Variants in HTR7 observed in about 807,000 individuals in gnomAD.
HTR7 encodes 5-hydroxytryptamine receptor 7, also known as 5-HT-7.
In HTR7, 16 loss-of-function variants were observed where a neutral mutation model predicts 34.0. That is an observed-to-expected ratio of 0.47 (90% CI 0.32 to 0.71). The LOEUF (loss-of-function observed/expected upper bound fraction) is 0.71. HTR7 is among the 30% of genes least tolerant of loss of function. The pLI is 0.04. For missense variants in HTR7, 504 were observed against 625.5 expected, an observed-to-expected ratio of 0.81 and a Z score of 2.07; for synonymous variants, 265 against 260.2, an observed-to-expected ratio of 1.02 and a Z score of -0.18.
At chr10:90,797,683 C>A (rs1845561629) in intron 1 of HTR7, among the ~76,000 whole-genome samples, 1 of 152,164 alleles carries the variant, frequency 6.6e-6, no homozygotes, top group East Asian at 1.9e-4. Flanking sequence ...TGTTCAATGG[C>A]TCTGAGTCTC....
chr10:90,826,001 A>G (rs1846067787), intron 1 of HTR7, among the ~76,000 whole-genome samples: 1 of 152,146 alleles, frequency 6.6e-6, no homozygotes, highest in Admixed American at 6.5e-5. Flanking sequence ...ATCCAAGTAA[A>G]AGAAGATTAA....
chr10:90,817,270 A>G (rs1422668239), intron 1 of HTR7, among the ~76,000 whole-genome samples: 2 of 152,228 alleles, frequency 1.3e-5, no homozygotes, highest in Non-Finnish European at 2.9e-5. Flanking sequence ...AGTTGGACAC[A>G]CTTCCTGATA....
At chr10:90,803,111 G>C (rs1845655077) in intron 1 of HTR7, among the ~76,000 whole-genome samples, 1 of 149,478 alleles carries the variant, frequency 6.7e-6, no homozygotes, top group Admixed American at 6.8e-5. Context: ...GAATTTGTCT[G>C]AGGGGTATAA....
Position 90,762,226 on chromosome 10 carries a change from G to T in HTR7, c.540-12632C>A, listed in dbSNP as rs190718072. 1.8e-3 allele frequency among the ~76,000 whole-genome samples: 278 copies of T among 152,262 alleles called. 1 individual carries two copies. Among genetic ancestry groups the T allele is most frequent in the African/African-American group, 4.8e-3 (200 of 41,554 alleles). On this transcript the variant is annotated intron_variant, in intron 1 of 3. Transcript: ENST00000336152. ...AACCTCCATACTGTTTTCCATAAAG[G>T]CTGTACTAACTTACATTCTCACCAA...
chr10:90,756,840 TAAAAAAAAA>T (rs1564671225), intron 1 of HTR7, among the ~76,000 whole-genome samples: 1 of 149,120 alleles, frequency 6.7e-6, no homozygotes, highest in Non-Finnish European at 1.5e-5. Flanking sequence ...AACCCTGTCA[TAAAAAAAAA>T]GAAAAGAAAA....
At chr10:90,776,682 T>C (rs766156045) in intron 1 of HTR7, among the ~76,000 whole-genome samples, 1 of 152,240 alleles carries the variant, frequency 6.6e-6, no homozygotes, top group Non-Finnish European at 1.5e-5. Flanking sequence ...TTAAGAGTAA[T>C]ACTTAGGGAG....
chr10:90,807,320 G>A (rs1022583930), intron 1 of HTR7, among the ~76,000 whole-genome samples: 1 of 152,142 alleles, frequency 6.6e-6, no homozygotes, highest in Non-Finnish European at 1.5e-5. Context: ...CCAAGCCATC[G>A]CATCCCCTGT....
chr10:90,742,532 A>C lies in HTR7; in HGVS notation c.1394-4T>G. 6.3e-7 allele frequency: 1 copy of C among 1,575,230 alleles called. No individual in the cohort carries two copies. Among genetic ancestry groups the C allele is most frequent in the South Asian group, 1.1e-5 (1 of 89,542 alleles). On this transcript the variant is annotated splice_polypyrimidine_tract_variant and splice_region_variant and intron_variant, in intron 3 of 3. Coordinates refer to ENST00000336152, the MANE Select transcript of HTR7 (RefSeq NM_019859.4). ...TCTACAGTAGTCAGCATTTTGTCTA[A>C]AAAAAAGAGAGAGAAAAATAGAAAA...
intron 2 of HTR7, among the ~76,000 whole-genome samples, chr10:90,746,081 T>C (rs571937662): frequency 1.3e-5 from 2 of 152,358 alleles, no homozygotes; most frequent in Admixed American, 1.3e-4. Flanking sequence ...AATCCAGCTC[T>C]ATCACTCTCT....
intron 1 of HTR7, among the ~76,000 whole-genome samples, chr10:90,803,661 T>C (rs1180286396): frequency 6.6e-6 from 1 of 152,210 alleles, no homozygotes; most frequent in Non-Finnish European, 1.5e-5. Context: ...CATCATCTGA[T>C]GGTTGCCTGA....
At chr10:90,786,557 A>T (rs1845383687) in intron 1 of HTR7, among the ~76,000 whole-genome samples, 1 of 152,248 alleles carries the variant, frequency 6.6e-6, no homozygotes, top group South Asian at 2.1e-4. Context: ...ACAGAGTTTA[A>T]CTTCTCTTAT....
chr10:90,813,847 G>A (rs1228987425), intron 1 of HTR7, among the ~76,000 whole-genome samples: 1 of 152,164 alleles, frequency 6.6e-6, no homozygotes, highest in Non-Finnish European at 1.5e-5. Flanking sequence ...TAAGATTAGG[G>A]TGGGACGACC....
intron 1 of HTR7, among the ~76,000 whole-genome samples, chr10:90,854,108 G>A (rs1045739931): frequency 6.6e-6 from 1 of 152,262 alleles, no homozygotes; most frequent in Non-Finnish European, 1.5e-5. Flanking sequence ...GCTCACGCCT[G>A]TAATCCCAGC....
chr10:90,792,782 C>A (rs759578343), intron 1 of HTR7, among the ~76,000 whole-genome samples: 9 of 151,946 alleles, frequency 5.9e-5, no homozygotes, highest in Non-Finnish European at 1.3e-4. Context: ...TTTATCAGAA[C>A]TTATCAGAAT....
intron 1 of HTR7, among the ~76,000 whole-genome samples, chr10:90,844,501 G>A (rs1012468840): frequency 2.2e-4 from 34 of 151,774 alleles, no homozygotes; most frequent in Non-Finnish European, 4.1e-4. Flanking sequence ...AGAGGCAGGC[G>A]GATCATGAGG....
At chr10:90,746,500 C>T (rs968481882) in intron 2 of HTR7, among the ~76,000 whole-genome samples, 17 of 152,152 alleles carry the variant, frequency 1.1e-4, no homozygotes, top group African/African-American at 3.9e-4. Flanking sequence ...CCCTTGTCTG[C>T]CCTCCTCACT....
chr10:90,761,075 T>C (rs74701947), intron 1 of HTR7, among the ~76,000 whole-genome samples: 35,154 of 152,020 alleles, frequency 0.23, 4,323 homozygotes, highest in African/African-American at 0.32. Flanking sequence ...TTTTATAAAT[T>C]TTTTAATCAA....
intron 1 of HTR7, among the ~76,000 whole-genome samples, chr10:90,841,682 A>C (rs917824400): frequency 8.5e-5 from 13 of 152,142 alleles, no homozygotes; most frequent in Non-Finnish European, 1.3e-4. Flanking sequence ...CATGTTCACA[A>C]AGCCAGTGCC....
In HTR7 at chr10:90,836,757, G is replaced by A. The variant is rs546091775; in HGVS notation, c.539+20376C>T. Reference sequence around the variant, plus strand: ...ACTCCTGAGCTGGACTAATTCTCCCGCCTTGGCTTCCCAAAGTGCTGTGAT... The same window carrying A: ...ACTCCTGAGCTGGACTAATTCTCCCACCTTGGCTTCCCAAAGTGCTGTGAT... On this transcript the variant is annotated intron_variant, in intron 1 of 3. Transcript: ENST00000336152. 7.9e-5 allele frequency among the ~76,000 whole-genome samples: 12 copies of A among 151,026 alleles called. No homozygotes were observed. The South Asian group carries it at 1.3e-3, about 16-fold the overall frequency.
Sources: gnomAD v4.1 joint callset for allele counts (sites outside exome capture counted in the v4.1 genomes callset) on GRCh38, gnomAD v4.1.1 for gene constraint, MANE v1.5 for transcripts, NCBI Gene and HGNC (gene_info 2026-07-23, HGNC 2026-07-21) for gene names.